The following MVB12B variants were observed in gnomAD, a reference collection of about 807,000 sequenced individuals.
The protein encoded by MVB12B is multivesicular body subunit 12B.
Under a neutral mutation model 41.6 loss-of-function variants are expected in MVB12B, and 16 were observed. The ratio of observed to expected loss-of-function variants is 0.38; its 90% CI spans 0.26 to 0.58. The LOEUF (loss-of-function observed/expected upper bound fraction) is 0.58, where lower values mean the gene tolerates loss of function less well. Ranked by LOEUF, MVB12B falls within the 20% of genes least tolerant of loss-of-function variation. The pLI is 0.62. For missense variants in MVB12B, 274 were observed against 380.2 expected, an observed-to-expected ratio of 0.72 and a Z score of 2.32; for synonymous variants, 133 against 139.7, an observed-to-expected ratio of 0.95 and a Z score of 0.34.
At position 126,340,227 on chromosome 9, in the gene MVB12B, G is replaced by T. The variant is rs981477491; in HGVS notation, c.82-281G>T. ...GCAGCTGGATGGCGGAGTTAAGAATGACGTGCTCTTGGGTTTGAGTCAAGC... is the reference window on the plus strand; with the variant it reads ...GCAGCTGGATGGCGGAGTTAAGAATTACGTGCTCTTGGGTTTGAGTCAAGC... On this transcript the variant is annotated intron_variant, in intron 1 of 9. Coordinates refer to ENST00000361171, the MANE Select transcript of MVB12B (RefSeq NM_033446.3). This position sits in a 1 kb window ranked among gnomAD's most constrained non-coding sequence, Gnocchi z 4.0. Among the ~76,000 whole-genome samples the T allele has an allele frequency of 6.6e-6, 1 of 152,112 alleles. No homozygotes were observed. Among genetic ancestry groups the T allele is most frequent in the Non-Finnish European group, 1.5e-5 (1 of 68,040 alleles).
chr9:126,452,193 A>T (rs2119161883), intron 7 of MVB12B, among the ~76,000 whole-genome samples: 1 of 152,372 alleles, frequency 6.6e-6, no homozygotes, highest in East Asian at 1.9e-4. Context: ...ACGCGCAACC[A>T]GGGCTCCCAG....
chr9:126,423,677 C>T (rs1304587717), intron 7 of MVB12B, among the ~76,000 whole-genome samples: 1 of 152,166 alleles, frequency 6.6e-6, no homozygotes, highest in Non-Finnish European at 1.5e-5. Flanking sequence ...GCCAGAAATA[C>T]CCTGCAGGAC....
chr9:126,342,586 G>A (rs1021982466), intron 2 of MVB12B, among the ~76,000 whole-genome samples: 2 of 152,146 alleles, frequency 1.3e-5, no homozygotes, highest in Non-Finnish European at 2.9e-5. Flanking sequence ...GAGCTCATCC[G>A]CCCGGTAATT....
intron 6 of MVB12B, among the ~76,000 whole-genome samples, chr9:126,401,907 G>C (rs1000578064): frequency 6.6e-6 from 1 of 152,226 alleles, no homozygotes; most frequent in Non-Finnish European, 1.5e-5. Flanking sequence ...GCTGCCTTCT[G>C]TCCGTTTTCA....
chr9:126,407,567 T>C (rs982637653), intron 6 of MVB12B, among the ~76,000 whole-genome samples: 4 of 152,282 alleles, frequency 2.6e-5, no homozygotes, highest in East Asian at 1.9e-4. Context: ...ATCCCCAAAA[T>C]TGGCCTTGTT....
At chr9:126,444,038 G>A (rs1251109387) in intron 7 of MVB12B, among the ~76,000 whole-genome samples, 2 of 152,046 alleles carry the variant, frequency 1.3e-5, no homozygotes, top group Non-Finnish European at 2.9e-5. Flanking sequence ...CAACACTCCA[G>A]GTGTCTATTC....
At chr9:126,349,442 A>G (rs756991665) in intron 2 of MVB12B, among the ~76,000 whole-genome samples, 38 of 152,180 alleles carry the variant, frequency 2.5e-4, no homozygotes, top group Non-Finnish European at 4.0e-4. Context: ...GCCAAAATAC[A>G]ATTTCTATCA....
At position 126,478,064 on chromosome 9, in the gene MVB12B, G is replaced by A. The variant is rs570027352; in HGVS notation, c.758-3305G>A. 1.2e-4 allele frequency among the ~76,000 whole-genome samples: 18 copies of A among 152,304 alleles called. No individual in the cohort carries two copies. The South Asian group carries it at 3.7e-3, about 32-fold the overall frequency. On this transcript the variant is annotated intron_variant, in intron 7 of 9. Coordinates refer to ENST00000361171, the MANE Select transcript of MVB12B (RefSeq NM_033446.3). The surrounding 1 kb of genome is among the most constrained non-coding windows in gnomAD (Gnocchi z 4.2). ...GTGAGGGGTTTGGCTTTGGAGCGAT[G>A]GAAATATTTTGGAACTAGATGGAGG...
chr9:126,481,437 CA>C lies in MVB12B; in HGVS notation c.813+14del. 1 of 1,604,870 alleles carries C rather than the reference CA, an allele frequency of 6.2e-7. No individual in the cohort carries two copies. Among genetic ancestry groups the C allele is most frequent in the Non-Finnish European group, 8.5e-7 (1 of 1,171,604 alleles). ...TGTTCCAGAAAGTGTAAGTTTTATG[CA>C]TGATCGCCCTTCCCCTCTGCCACCC... On this transcript the variant is annotated intron_variant, in intron 8 of 9. Transcript: ENST00000361171.
intron 1 of MVB12B, chr9:126,335,174 T>C (rs2118798397): frequency 9.1e-7 from 1 of 1,099,574 alleles, no homozygotes; most frequent in Admixed American, 3.8e-5. Context: ...TCCTAGCAGC[T>C]AGTGACTTGT....
chr9:126,380,254 TCTC>T (rs1830597582), intron 2 of MVB12B, among the ~76,000 whole-genome samples: 2 of 151,986 alleles, frequency 1.3e-5, no homozygotes, highest in African/African-American at 2.4e-5. Flanking sequence ...CTAGCCTTCT[TCTC>T]CTCCTCCTCT....
intron 7 of MVB12B, among the ~76,000 whole-genome samples, chr9:126,434,688 C>T (rs1003176852): frequency 6.6e-5 from 10 of 152,326 alleles, no homozygotes; most frequent in African/African-American, 9.6e-5. Flanking sequence ...ATGAATTGCA[C>T]GGCCTTCACT....
At chr9:126,342,716 C>T (rs1162725790) in intron 2 of MVB12B, among the ~76,000 whole-genome samples, 2 of 152,152 alleles carry the variant, frequency 1.3e-5, no homozygotes, top group Non-Finnish European at 2.9e-5. Context: ...ATAAGCGTCT[C>T]GTTCCCCAGA....
At chr9:126,377,734 C>G (rs1288510969) in intron 2 of MVB12B, among the ~76,000 whole-genome samples, 3 of 152,120 alleles carry the variant, frequency 2.0e-5, no homozygotes, top group African/African-American at 7.2e-5. Context: ...AGCGGGAGGG[C>G]AGATGTTCCT....
chr9:126,451,227 A>G (rs1246169874), intron 7 of MVB12B, among the ~76,000 whole-genome samples: 1 of 152,222 alleles, frequency 6.6e-6, no homozygotes, highest in Non-Finnish European at 1.5e-5. Flanking sequence ...GACTGTAGAA[A>G]CAAAAATGGA....
intron 9 of MVB12B, among the ~76,000 whole-genome samples, chr9:126,501,634 T>C (rs28495310): frequency 0.28 from 43,235 of 152,164 alleles, 7,959 homozygotes; most frequent in African/African-American, 0.52. Flanking sequence ...GCCATGGACG[T>C]GGTGCTGGGC....
intron 7 of MVB12B, among the ~76,000 whole-genome samples, chr9:126,471,257 A>G (rs1349160860): frequency 6.6e-6 from 1 of 152,184 alleles, no homozygotes; most frequent in African/African-American, 2.4e-5. Flanking sequence ...GAGTGGGCAC[A>G]ATTATCCTCA....
chr9:126,335,220 T>A, intron 1 of MVB12B: 1 of 1,165,616 alleles, frequency 8.6e-7, no homozygotes, highest in Non-Finnish European at 1.1e-6. Flanking sequence ...TTTGTCAGAG[T>A]GATTTGACTC....
At chr9:126,455,177 TTTTTA>T (rs565045371) in intron 7 of MVB12B, among the ~76,000 whole-genome samples, 8 of 151,226 alleles carry the variant, frequency 5.3e-5, no homozygotes, top group African/African-American at 9.8e-5. Flanking sequence ...TTTATTTTAT[TTTTTA>T]TTTTATTTTA....
Sources: allele counts gnomAD v4.1 joint callset (sites outside exome capture counted in the v4.1 genomes callset), GRCh38; gene constraint gnomAD v4.1.1; non-coding constraint Gnocchi (gnomAD v3.1); transcripts MANE v1.5; gene names NCBI Gene and HGNC (gene_info 2026-07-23, HGNC 2026-07-21).